Variants in IARS2 observed in about 807,000 individuals in gnomAD.
IARS2 encodes isoleucyl-tRNA synthetase 2, mitochondrial.
Under a neutral mutation model 126.3 loss-of-function variants are expected in IARS2, and 56 were observed. The observed-to-expected ratio is 0.44, with a 90% CI of 0.36 to 0.55. The LOEUF (loss-of-function observed/expected upper bound fraction) is 0.55, where lower values mean the gene tolerates loss of function less well. Ranked by LOEUF, IARS2 falls within the 20% of genes least tolerant of loss-of-function variation. The pLI, the probability that IARS2 is intolerant of heterozygous loss-of-function variation, is 0.00. For synonymous variants in IARS2, 407 were observed against 441.1 expected, an observed-to-expected ratio of 0.92 and a Z score of 0.97; for missense variants, 1,127 against 1,245.9, an observed-to-expected ratio of 0.90 and a Z score of 1.44.
chr1:220,106,388 A>G (rs904570881), intron 9 of IARS2, among the ~76,000 whole-genome samples: 25 of 152,134 alleles, frequency 1.6e-4, no homozygotes, highest in African/African-American at 5.1e-4. Flanking sequence ...TCCTTTCTAC[A>G]TTTACTTTAC....
intron 11 of IARS2, among the ~76,000 whole-genome samples, chr1:220,111,794 C>A (rs538076571): frequency 1.5e-3 from 233 of 152,116 alleles, no homozygotes; most frequent in African/African-American, 5.3e-3. Flanking sequence ...CTTTTTATAG[C>A]AGTTTATACT....
At chr1:220,103,618 A>G (rs112037958) in intron 8 of IARS2, 56 bp downstream of exon 8, 11 of 1,087,224 alleles carry the variant, frequency 1.0e-5, no homozygotes, top group African/African-American at 4.6e-5. Context: ...GCTGACTTGA[A>G]TTTACTACTT....
Position 220,147,694 on chromosome 1 carries a change from G to C in IARS2, c.*59G>C, listed in dbSNP as rs1657633479. On this transcript the variant is annotated 3_prime_UTR_variant, in exon 23 of 23. Transcript: ENST00000366922. ...ACAGTACTGGCTAGAAGTTTGGATG[G>C]ATTATTTACAATATAGGAAAGAAAG... is the stretch of plus-strand genomic sequence containing the variant. 6.4e-7 allele frequency: 1 copy of C among 1,565,332 alleles called. No homozygotes were observed. Among genetic ancestry groups the C allele is most frequent in the African/African-American group, 1.4e-5 (1 of 73,594 alleles).
intron 12 of IARS2, among the ~76,000 whole-genome samples, chr1:220,119,440 T>C (rs2102828583): frequency 1.3e-5 from 2 of 152,268 alleles, no homozygotes; most frequent in East Asian, 3.9e-4. Flanking sequence ...GTGTTAAGTA[T>C]ACAATGTTAA....
Position 220,118,749 on chromosome 1 carries a change from A to C in IARS2, c.1640+4275A>C, listed in dbSNP as rs376458082. 1.6e-4 allele frequency among the ~76,000 whole-genome samples: 25 copies of C among 152,260 alleles called. 1 individual carries two copies. The highest frequency in any genetic ancestry group is 3.3e-4 in the Admixed American group (5 of 15,294). On this transcript the variant is annotated intron_variant, in intron 12 of 22. Coordinates refer to ENST00000366922, the MANE Select transcript of IARS2 (RefSeq NM_018060.4). Reference sequence around the variant, plus strand: ...TAGTAAAAATAGCCAAGGAATTTCCAATATAATTTGAGTGTTAACTTTAGC... The same window carrying C: ...TAGTAAAAATAGCCAAGGAATTTCCCATATAATTTGAGTGTTAACTTTAGC...
At chr1:220,141,991 G>C (rs1392327904) in intron 20 of IARS2, 43 bp downstream of exon 20, 1 of 1,578,572 alleles carries the variant, frequency 6.3e-7, no homozygotes, top group African/African-American at 1.4e-5. Flanking sequence ...AAATATCCCT[G>C]ATCAAGGTGC....
At chr1:220,139,551 G>C (rs1457884688) in intron 18 of IARS2, among the ~76,000 whole-genome samples, 1 of 152,140 alleles carries the variant, frequency 6.6e-6, no homozygotes. Context: ...AGGTGTTCAA[G>C]ACCAGCCTGG....
At chr1:220,131,576 T>G (rs1347525830) in intron 14 of IARS2, among the ~76,000 whole-genome samples, 1 of 151,930 alleles carries the variant, frequency 6.6e-6, no homozygotes, top group Non-Finnish European at 1.5e-5. Context: ...GACTCAGAAC[T>G]CCCCACCTCA....
chr1:220,138,121 TTGG>T, intron 17 of IARS2, 78 bp downstream of exon 17: 1 of 1,493,406 alleles, frequency 6.7e-7, no homozygotes, highest in Non-Finnish European at 9.3e-7. Context: ...CACATTTTGT[TTGG>T]AACTGAAAAA....
intron 2 of IARS2, among the ~76,000 whole-genome samples, chr1:220,097,874 TTTG>T (rs1211220311): frequency 3.3e-5 from 5 of 151,938 alleles, no homozygotes; most frequent in Admixed American, 6.5e-5. Flanking sequence ...AGTGGCATCT[TTTG>T]TTGTTGTTGT....
chr1:220,144,750 A>G (rs1657556204), intron 21 of IARS2, among the ~76,000 whole-genome samples: 1 of 152,214 alleles, frequency 6.6e-6, no homozygotes, highest in Non-Finnish European at 1.5e-5. Context: ...ATTTTCAAAA[A>G]CATGAATGTA....
intron 2 of IARS2, among the ~76,000 whole-genome samples, chr1:220,099,211 CAAAAAAA>C (rs1184799314): frequency 2.0e-5 from 1 of 49,262 alleles, no homozygotes; most frequent in African/African-American, 8.0e-5. Context: ...GACTCCGTCT[CAAAAAAA>C]AAAAAAAAAA....
At chr1:220,137,169 TTTG>T (rs1185579958) in intron 16 of IARS2, among the ~76,000 whole-genome samples, 8 of 138,854 alleles carry the variant, frequency 5.8e-5, no homozygotes, top group Non-Finnish European at 9.6e-5. Flanking sequence ...TGTAGATCCT[TTTG>T]TGATTCGTAA....
In IARS2 at chr1:220,147,740, G is replaced by A. The variant is rs2102845625; in HGVS notation, c.*105G>A. 1 of 1,132,938 alleles carries A rather than the reference G, an allele frequency of 8.8e-7. No homozygotes were observed. Among genetic ancestry groups the A allele is most frequent in the Non-Finnish European group, 1.3e-6 (1 of 786,960 alleles). The allele number at this position is 1,132,938 out of a possible 1,614,324, so 70.2% of individuals were successfully genotyped here. ...GAAAGCCAAGATTTAGGTAATGAGT[G>A]GATGAGTAAATGGTGGAGGATGGGA... is the stretch of plus-strand genomic sequence containing the variant. On this transcript the variant is annotated 3_prime_UTR_variant, in exon 23 of 23. Coordinates refer to ENST00000366922, the MANE Select transcript of IARS2 (RefSeq NM_018060.4).
At chr1:220,130,771 A>G (rs549226608) in intron 14 of IARS2, among the ~76,000 whole-genome samples, 1 of 152,102 alleles carries the variant, frequency 6.6e-6, no homozygotes, top group East Asian at 1.9e-4. Flanking sequence ...GTTAGCCAGG[A>G]TGGGGTAGGG....
chr1:220,100,060 A>G (rs1656540163), intron 2 of IARS2, among the ~76,000 whole-genome samples: 1 of 152,194 alleles, frequency 6.6e-6, no homozygotes, highest in Admixed American at 6.6e-5. Flanking sequence ...CCATTCAACT[A>G]TAGTAATATA....
Position 220,140,196 on chromosome 1 carries a change from A to G in IARS2, c.2321A>G (p.Tyr774Cys), listed in dbSNP as rs1028677047. 5 of 1,608,874 alleles carry G rather than the reference A, an allele frequency of 3.1e-6. No homozygotes were observed. The highest frequency in any genetic ancestry group is 3.4e-6 in the Non-Finnish European group (4 of 1,175,446). The change falls in exon 19 of 23, where the codon TAC becomes TGC. Residue 774 changes from tyrosine to cysteine, a missense_variant. By Grantham distance (194) the Tyr-to-Cys change is radical. Coordinates refer to ENST00000366922, the MANE Select transcript of IARS2 (RefSeq NM_018060.4). ...TTTGTTCCCTAGATTACCGAATTAT[A>G]CAAACAATATGATTTTGGAAAAGTT... ...QDLANKITEL[Y>C]KQYDFGKVVR...
At position 220,100,950 on chromosome 1, in the gene IARS2, G is replaced by A. The variant is rs573789157; in HGVS notation, c.550+301G>A. 1.3e-4 allele frequency among the ~76,000 whole-genome samples: 20 copies of A among 151,970 alleles called. No homozygotes were observed. The South Asian group carries it at 2.9e-3, about 22-fold the overall frequency. Reference sequence around the variant, plus strand: ...TTCTTTTTTCTGCTTTCCTCAAGGGGGCTTGTTGACTGATTTTAGGTGTTA... The same window carrying A: ...TTCTTTTTTCTGCTTTCCTCAAGGGAGCTTGTTGACTGATTTTAGGTGTTA... On this transcript the variant is annotated intron_variant, in intron 3 of 22. Coordinates refer to ENST00000366922, the MANE Select transcript of IARS2 (RefSeq NM_018060.4).
At chr1:220,140,341 C>A in intron 19 of IARS2, 52 bp downstream of exon 19, 1 of 1,122,780 alleles carries the variant, frequency 8.9e-7, no homozygotes, top group Non-Finnish European at 1.3e-6. Flanking sequence ...TGTGGTGACT[C>A]ACGCCTGTAA....
Sources: allele counts gnomAD v4.1 joint callset (sites outside exome capture counted in the v4.1 genomes callset), GRCh38; gene constraint gnomAD v4.1.1; transcripts MANE v1.5; gene names NCBI Gene and HGNC (gene_info 2026-07-23, HGNC 2026-07-21).